The following RHBDL2 variants were observed in gnomAD, a reference collection of about 807,000 sequenced individuals.
RHBDL2 encodes the protein rhomboid-related protein 2.
In RHBDL2, 26 loss-of-function variants were observed where a neutral mutation model predicts 31.7. The ratio of observed to expected loss-of-function variants is 0.82; its 90% CI spans 0.60 to 1.14. The LOEUF (loss-of-function observed/expected upper bound fraction) is 1.14, where lower values mean the gene tolerates loss of function less well. Among genes scored for constraint, RHBDL2 ranks in the 50% most tolerant of loss-of-function variants. The pLI is 0.00. For missense variants in RHBDL2, 336 were observed against 364.4 expected, an observed-to-expected ratio of 0.92 and a Z score of 0.63; for synonymous variants, 123 against 127.2, an observed-to-expected ratio of 0.97 and a Z score of 0.22.
chr1:38,927,400 C>A (rs1470055173), intron 1 of RHBDL2, among the ~76,000 whole-genome samples: 1 of 152,094 alleles, frequency 6.6e-6, no homozygotes, highest in Non-Finnish European at 1.5e-5. Flanking sequence ...GCACTCCAGC[C>A]TGGGCGACAG....
intron 4 of RHBDL2, among the ~76,000 whole-genome samples, chr1:38,899,180 T>C (rs1176723962): frequency 6.6e-6 from 1 of 152,058 alleles, no homozygotes; most frequent in African/African-American, 2.4e-5. Flanking sequence ...GATGAAGAAA[T>C]TGGAAAGAAA....
chr1:38,938,158 C>T (rs910328918), intron 1 of RHBDL2, among the ~76,000 whole-genome samples: 1 of 151,944 alleles, frequency 6.6e-6, no homozygotes, highest in Non-Finnish European at 1.5e-5. Context: ...GCTGGGACTA[C>T]AGGTGCACGC....
intron 1 of RHBDL2, chr1:38,925,875 C>G (rs997322043): frequency 1.9e-6 from 2 of 1,053,026 alleles, no homozygotes; most frequent in East Asian, 6.3e-5. Context: ...AGCAGTAGGC[C>G]TGGCTCACTA....
chr1:38,930,980 G>A (rs1425712034), intron 1 of RHBDL2, among the ~76,000 whole-genome samples: 1 of 152,184 alleles, frequency 6.6e-6, no homozygotes, highest in African/African-American at 2.4e-5. Flanking sequence ...TGGACCACCT[G>A]CATCAGAATC....
chr1:38,931,381 C>T (rs1213184249), intron 1 of RHBDL2, among the ~76,000 whole-genome samples: 4 of 151,890 alleles, frequency 2.6e-5, no homozygotes, highest in Admixed American at 6.6e-5. Flanking sequence ...ATTAGCTGGG[C>T]GTGTTGGCGG....
chr1:38,901,039 C>T (rs1318103186), intron 4 of RHBDL2, among the ~76,000 whole-genome samples: 1 of 136,804 alleles, frequency 7.3e-6, no homozygotes, highest in African/African-American at 2.8e-5. Context: ...CAGAGCAAGA[C>T]TCCATCTCTA....
At chr1:38,938,896 A>G (rs1045800660) in intron 1 of RHBDL2, among the ~76,000 whole-genome samples, 3 of 151,952 alleles carry the variant, frequency 2.0e-5, no homozygotes, top group Non-Finnish European at 2.9e-5. Flanking sequence ...TTCATCTTTG[A>G]CTCCCTATTA....
chr1:38,931,887 C>T lies in RHBDL2; in HGVS notation c.-126+9795G>A, dbSNP rs183769967. ...GAAGCCAAGGATGGTAGACTAAAGACGGAGCATATAATTTGCCATTCCTCT... is the reference window on the plus strand; with the variant it reads ...GAAGCCAAGGATGGTAGACTAAAGATGGAGCATATAATTTGCCATTCCTCT... On this transcript the variant is annotated intron_variant, in intron 1 of 7. Coordinates refer to ENST00000372990, the MANE Select transcript of RHBDL2 (RefSeq NM_017821.5). Among the ~76,000 whole-genome samples, 119 of 152,250 alleles carry T rather than the reference C, an allele frequency of 7.8e-4. 1 individual carries two copies. The East Asian group carries it at 0.015, about 19-fold the overall frequency.
At chr1:38,902,697 G>A (rs1643010814) in intron 4 of RHBDL2, among the ~76,000 whole-genome samples, 1 of 151,994 alleles carries the variant, frequency 6.6e-6, no homozygotes, top group South Asian at 2.1e-4. Flanking sequence ...TGGGATTACA[G>A]GCATAAGCCA....
At chr1:38,933,412 A>G (rs1643459025) in intron 1 of RHBDL2, among the ~76,000 whole-genome samples, 1 of 152,166 alleles carries the variant, frequency 6.6e-6, no homozygotes. Flanking sequence ...AGCACTTATC[A>G]TTATCTAAAA....
chr1:38,886,950 A>G (rs74064938), intron 7 of RHBDL2, among the ~76,000 whole-genome samples: 3,562 of 152,328 alleles, frequency 0.023, 145 homozygotes, highest in African/African-American at 0.079. Context: ...ATTCTTAATC[A>G]TCATTGCATT....
intron 2 of RHBDL2, among the ~76,000 whole-genome samples, chr1:38,917,646 A>T (rs1570933002): frequency 6.6e-6 from 1 of 152,168 alleles, no homozygotes; most frequent in East Asian, 1.9e-4. Context: ...GATCCGGACG[A>T]CTTCCCAGTT....
At chr1:38,911,648 G>A (rs1242541699) in intron 3 of RHBDL2, among the ~76,000 whole-genome samples, 15 of 52,876 alleles carry the variant, frequency 2.8e-4, no homozygotes, top group Non-Finnish European at 7.2e-4. Flanking sequence ...GTGTGTGTGC[G>A]CGCGCGCGCG....
At chr1:38,906,841 T>A (rs1019773493) in intron 4 of RHBDL2, among the ~76,000 whole-genome samples, 1 of 152,130 alleles carries the variant, frequency 6.6e-6, no homozygotes, top group Non-Finnish European at 1.5e-5. Context: ...TCTCCCCAAA[T>A]TGATGTACAG....
chr1:38,901,461 CA>C (rs532037662), intron 4 of RHBDL2, among the ~76,000 whole-genome samples: 2,993 of 51,756 alleles, frequency 0.058, 72 homozygotes, highest in African/African-American at 0.14. Context: ...GGCTCAGTCT[CA>C]AAAAAAAAAA....
At chr1:38,906,360 G>T (rs2124319306) in intron 4 of RHBDL2, among the ~76,000 whole-genome samples, 1 of 152,214 alleles carries the variant, frequency 6.6e-6, no homozygotes, top group East Asian at 1.9e-4. Context: ...AGTGAGTTCA[G>T]CAAGGTTGCA....
intron 4 of RHBDL2, among the ~76,000 whole-genome samples, chr1:38,902,142 T>C (rs1349683768): frequency 6.6e-6 from 1 of 150,452 alleles, no homozygotes; most frequent in Non-Finnish European, 1.5e-5. Context: ...TTTAAAAGGA[T>C]TCAAGTCATA....
At chr1:38,898,158 G>T (rs1642943574) in intron 4 of RHBDL2, among the ~76,000 whole-genome samples, 2 of 151,994 alleles carry the variant, frequency 1.3e-5, no homozygotes, top group Admixed American at 1.3e-4. Context: ...AATAAAATTA[G>T]CTGGCTGTGG....
In RHBDL2 at chr1:38,889,011, A is replaced by C. The variant is rs148695418; in HGVS notation, c.671-987T>G. On this transcript the variant is annotated intron_variant, in intron 6 of 7. Transcript: ENST00000372990. ...GCAGGGGACAGATTATGTAGGGTCTATATGGGCCATTGTAAGGACTTCAAC... is the reference window on the plus strand; with the variant it reads ...GCAGGGGACAGATTATGTAGGGTCTCTATGGGCCATTGTAAGGACTTCAAC... Among the ~76,000 whole-genome samples, 1,422 of 152,266 alleles carry C rather than the reference A, an allele frequency of 9.3e-3. 22 individuals carry two copies. Among genetic ancestry groups the C allele is most frequent in the African/African-American group, 0.03 (1,248 of 41,548 alleles).
Sources: allele counts gnomAD v4.1 joint callset (sites outside exome capture counted in the v4.1 genomes callset), GRCh38; gene constraint gnomAD v4.1.1; transcripts MANE v1.5; gene names NCBI Gene and HGNC (gene_info 2026-07-23, HGNC 2026-07-21).